The following CCDC91 variants were observed in gnomAD, a reference collection of about 807,000 sequenced individuals.
CCDC91 encodes the protein coiled-coil domain containing 91, also known as coiled-coil domain-containing protein 91.
In CCDC91, 48 loss-of-function variants were observed where a neutral mutation model predicts 63.2. The observed-to-expected ratio is 0.76, with a 90% CI of 0.60 to 0.97. The LOEUF is 0.97. Among genes scored for constraint, CCDC91 ranks in the 50% least tolerant of loss-of-function variants. CCDC91 has a pLI of 0.00. For synonymous variants in CCDC91, 167 were observed against 165.8 expected, an observed-to-expected ratio of 1.01 and a Z score of -0.06; for missense variants, 500 against 494.6, an observed-to-expected ratio of 1.01 and a Z score of -0.10.
At chr12:28,243,486 A>G (rs1438383364) in intron 1 of CCDC91, among the ~76,000 whole-genome samples, 1 of 152,234 alleles carries the variant, frequency 6.6e-6, no homozygotes, top group Non-Finnish European at 1.5e-5. Flanking sequence ...GCAAAATTTG[A>G]TAGATTGGTA....
At chr12:28,502,252 A>G (rs1373011806) in intron 12 of CCDC91, among the ~76,000 whole-genome samples, 1 of 151,960 alleles carries the variant, frequency 6.6e-6, no homozygotes, top group Non-Finnish European at 1.5e-5. Context: ...TACAAAATCA[A>G]TGTACAAAAA....
intron 12 of CCDC91, among the ~76,000 whole-genome samples, chr12:28,535,660 A>G (rs1450207577): frequency 6.6e-6 from 1 of 152,210 alleles, no homozygotes; most frequent in Non-Finnish European, 1.5e-5. Flanking sequence ...GATGCTTGGT[A>G]AAGATTGGTA....
intron 8 of CCDC91, among the ~76,000 whole-genome samples, chr12:28,442,362 A>G (rs924185332): frequency 6.6e-6 from 1 of 152,140 alleles, no homozygotes; most frequent in Non-Finnish European, 1.5e-5. Context: ...TAGACGTTAT[A>G]CAATAGACCA....
chr12:28,209,090 G>A (rs1482124458), intron 1 of CCDC91, among the ~76,000 whole-genome samples: 2 of 152,108 alleles, frequency 1.3e-5, no homozygotes, highest in Non-Finnish European at 2.9e-5. Flanking sequence ...ACAGGCGTGA[G>A]CCACCATACC....
At chr12:28,337,607 T>C (rs1271537183) in intron 6 of CCDC91, among the ~76,000 whole-genome samples, 1 of 152,052 alleles carries the variant, frequency 6.6e-6, no homozygotes, top group Admixed American at 6.5e-5. Context: ...TTTAAATTGG[T>C]TTTATGAAAG....
chr12:28,366,553 G>T (rs1592445168), intron 7 of CCDC91, among the ~76,000 whole-genome samples: 1 of 152,322 alleles, frequency 6.6e-6, no homozygotes, highest in African/African-American at 2.4e-5. Flanking sequence ...CCTCACTGGG[G>T]TGGTGTTAAT....
intron 3 of CCDC91, among the ~76,000 whole-genome samples, chr12:28,300,258 G>C (rs1321076959): frequency 6.6e-6 from 1 of 151,224 alleles, no homozygotes; most frequent in Non-Finnish European, 1.5e-5. Flanking sequence ...TATGATATAA[G>C]GGTTTAATTT....
chr12:28,307,822 A>T, intron 6 of CCDC91, 73 bp downstream of exon 6: 1 of 769,288 alleles, frequency 1.3e-6, no homozygotes, highest in South Asian at 1.6e-5. Context: ...CAAAAAGTGC[A>T]TAATGAATAT....
intron 1 of CCDC91, among the ~76,000 whole-genome samples, chr12:28,254,380 A>G (rs186946593): frequency 1.3e-5 from 2 of 152,318 alleles, no homozygotes; most frequent in East Asian, 3.9e-4. Context: ...CTACATTCTT[A>G]TAATATTTGT....
chr12:28,289,991 C>T (rs1448074680), intron 3 of CCDC91, among the ~76,000 whole-genome samples: 1 of 151,956 alleles, frequency 6.6e-6, no homozygotes, highest in Non-Finnish European at 1.5e-5. Context: ...CACACCTGGC[C>T]TGGGTGGAGA....
intron 1 of CCDC91, among the ~76,000 whole-genome samples, chr12:28,200,804 G>A (rs1942180980): frequency 6.6e-6 from 1 of 151,796 alleles, no homozygotes; most frequent in Non-Finnish European, 1.5e-5. Flanking sequence ...CCTCCCAGAC[G>A]GGGTGGTGGC....
rs75510417 is a variant in CCDC91 at position 28,252,484 on chromosome 12, A to G, written c.-14-4718A>G. Among the ~76,000 whole-genome samples, 4 of 151,936 alleles carry G rather than the reference A, an allele frequency of 2.6e-5. No individual in the cohort carries two copies. In the East Asian group the frequency reaches 7.7e-4, roughly 29 times the overall value. On this transcript the variant is annotated intron_variant, in intron 1 of 12. Transcript: ENST00000536442. ...CATTTTTTTCTCTTATACTTTTTTA[A>G]AAGAAAATTTCCTTAATTTTATTTT...
chr12:28,428,608 A>G (rs908063105), intron 8 of CCDC91, among the ~76,000 whole-genome samples: 2 of 150,696 alleles, frequency 1.3e-5, no homozygotes, highest in African/African-American at 4.9e-5. Context: ...AGAAAGAAAA[A>G]TATCTTTTCA....
intron 11 of CCDC91, among the ~76,000 whole-genome samples, chr12:28,470,297 A>G (rs904157081): frequency 4.6e-5 from 7 of 152,200 alleles, no homozygotes; most frequent in African/African-American, 1.7e-4. Flanking sequence ...ATTTCTCAAA[A>G]GAAGACATAC....
rs77576963 is a variant in CCDC91, at chr12:28,376,999, T to C, written c.655-14305T>C. ...TTATTTTGTCTCATTTTGAGCTCAG[T>C]TCATTAAAAATTCCAACTTGATGCA... On this transcript the variant is annotated intron_variant, in intron 7 of 12. Transcript: ENST00000536442. Among the ~76,000 whole-genome samples the C allele has an allele frequency of 4.2e-3, 645 of 151,926 alleles. 4 individuals carry two copies. Among genetic ancestry groups the C allele is most frequent in the African/African-American group, 0.015 (622 of 41,546 alleles).
At position 28,426,532 on chromosome 12, in the gene CCDC91, A is replaced by G. The variant is rs371353966; in HGVS notation, c.763-23629A>G. ...TTTTTCCTAAATCTCAAAATTTTGC[A>G]CTAGATTTAGGAAGTTTTTATTGAT... On this transcript the variant is annotated intron_variant, in intron 8 of 12. Transcript: ENST00000536442. 2.6e-5 allele frequency among the ~76,000 whole-genome samples: 4 copies of G among 152,034 alleles called. No individual in the cohort carries two copies. In the East Asian group the frequency reaches 7.7e-4, roughly 29 times the overall value.
chr12:28,406,316 G>A lies in CCDC91; in HGVS notation c.762+14905G>A, dbSNP rs540941725. On this transcript the variant is annotated intron_variant, in intron 8 of 12. Coordinates refer to ENST00000536442, the MANE Select transcript of CCDC91 (RefSeq NM_018318.5). Reference sequence around the variant, plus strand: ...AAATCCCTCAATTTTTGAGAAAGTCGTTATTAGTGTACAAGTCTTTGTATG... The same window carrying A: ...AAATCCCTCAATTTTTGAGAAAGTCATTATTAGTGTACAAGTCTTTGTATG... Among the ~76,000 whole-genome samples the A allele has an allele frequency of 3.3e-5, 5 of 151,370 alleles. No homozygotes were observed. The East Asian group carries it at 7.8e-4, about 23-fold the overall frequency.
At chr12:28,447,652 TC>T (rs1949568666) in intron 8 of CCDC91, among the ~76,000 whole-genome samples, 1 of 143,458 alleles carries the variant, frequency 7.0e-6, no homozygotes, top group African/African-American at 2.6e-5. Context: ...GGAGTTCAAG[TC>T]CAGTCTGGGC....
At chr12:28,428,970 C>T (rs1404508172) in intron 8 of CCDC91, among the ~76,000 whole-genome samples, 1 of 152,008 alleles carries the variant, frequency 6.6e-6, no homozygotes, top group African/African-American at 2.4e-5. Context: ...TCATGTTATA[C>T]ATGCTTCTGA....
Sources: gnomAD v4.1 joint callset for allele counts (sites outside exome capture counted in the v4.1 genomes callset) on GRCh38, gnomAD v4.1.1 for gene constraint, MANE v1.5 for transcripts, NCBI Gene and HGNC (gene_info 2026-07-23, HGNC 2026-07-21) for gene names.